The following EPB41L3 variants were observed in gnomAD, a reference collection of about 807,000 sequenced individuals.
The protein encoded by EPB41L3 is band 4.1-like protein 3.
EPB41L3 carries 57 observed loss-of-function variants against 127.1 expected under a neutral mutation model. That is an observed-to-expected ratio of 0.45 (90% CI 0.36 to 0.56). EPB41L3 has a LOEUF of 0.56. Ranked by LOEUF, EPB41L3 falls within the 20% of genes least tolerant of loss-of-function variation. The probability of loss-of-function intolerance (pLI) is 0.00; values close to 1 mark genes in which losing one functional copy is unlikely to be tolerated. For synonymous variants in EPB41L3, 572 were observed against 549.5 expected, an observed-to-expected ratio of 1.04 and a Z score of -0.57; for missense variants, 1,273 against 1,372.2, an observed-to-expected ratio of 0.93 and a Z score of 1.14.
chr18:5,399,602 T>C (rs2074154910), intron 16 of EPB41L3: 2 of 377,342 alleles, frequency 5.3e-6, no homozygotes, highest in African/African-American at 2.1e-5. Context: ...TAGGTAGAGT[T>C]GCAACTTCTT....
At chr18:5,565,371 C>T (rs2094184756) in intron 3 of EPB41L3, among the ~76,000 whole-genome samples, 1 of 152,008 alleles carries the variant, frequency 6.6e-6, no homozygotes, top group Admixed American at 6.5e-5. Context: ...AAGATCGTGC[C>T]ATTGCACTCC....
intron 1 of EPB41L3, among the ~76,000 whole-genome samples, chr18:5,491,723 T>C (rs2090615893): frequency 1.3e-5 from 2 of 152,210 alleles, no homozygotes; most frequent in South Asian, 4.1e-4. Flanking sequence ...CATAATATAA[T>C]AAATGCAAAT....
At chr18:5,429,203 T>C (rs2078643040) in intron 8 of EPB41L3, 1 of 152,182 alleles carries the variant, frequency 6.6e-6, no homozygotes, top group African/African-American at 2.4e-5. Flanking sequence ...ATAAATACTT[T>C]TTAAATATGT....
Position 5,434,183 on chromosome 18 carries a change from G to A in EPB41L3, c.606-62C>T, listed in dbSNP as rs1048133001. 3.3e-5 allele frequency: 47 copies of A among 1,419,022 alleles called. 1 individual carries two copies. The highest frequency in any genetic ancestry group is 3.0e-4 in the East Asian group (13 of 43,600). 87.9% of individuals were successfully genotyped at this position (1,419,022 alleles called of 1,614,324 possible). On this transcript the variant is annotated intron_variant, in intron 6 of 22. Coordinates refer to ENST00000341928, the MANE Select transcript of EPB41L3 (RefSeq NM_012307.5). ...CATGAGGATACAGGAAAAGGAGGTCGCTTGGTAAAAATCGTGGGCAAATAA... is the reference window on the plus strand; with the variant it reads ...CATGAGGATACAGGAAAAGGAGGTCACTTGGTAAAAATCGTGGGCAAATAA...
At chr18:5,544,786 T>G (rs1617446), upstream of EPB41L3, among the ~76,000 whole-genome samples, 38,021 of 152,134 alleles carry the variant, frequency 0.25, 6,280 homozygotes, top group African/African-American at 0.47. Flanking sequence ...CATTTTAAAA[T>G]AAAGTATAAT....
intron 1 of EPB41L3, among the ~76,000 whole-genome samples, chr18:5,503,382 C>T (rs2091903512): frequency 2.0e-5 from 3 of 151,958 alleles, no homozygotes; most frequent in African/African-American, 4.8e-5. Flanking sequence ...CCGGAGTGCC[C>T]GAAAAAAACA....
At chr18:5,474,270 A>G (rs2086731674) in intron 3 of EPB41L3, among the ~76,000 whole-genome samples, 1 of 152,108 alleles carries the variant, frequency 6.6e-6, no homozygotes, top group South Asian at 2.1e-4. Flanking sequence ...AGCACTGAAC[A>G]CTACAATGAT....
intron 13 of EPB41L3, among the ~76,000 whole-genome samples, chr18:5,415,277 G>A (rs2076659467): frequency 6.6e-6 from 1 of 152,170 alleles, no homozygotes; most frequent in South Asian, 2.1e-4. Context: ...CTCTCTGTGA[G>A]TAACAATGAC....
At chr18:5,440,744 G>T (rs1405808835) in intron 5 of EPB41L3, among the ~76,000 whole-genome samples, 1 of 152,042 alleles carries the variant, frequency 6.6e-6, no homozygotes, top group Non-Finnish European at 1.5e-5. Flanking sequence ...TGCGATATAT[G>T]CTCTATGTCA....
At chr18:5,433,328 G>C in intron 8 of EPB41L3, 141 bp downstream of exon 8, 1 of 631,560 alleles carries the variant, frequency 1.6e-6, no homozygotes, top group East Asian at 2.8e-5. Context: ...TCGTGGAGTA[G>C]GGCTTAAAAG....
At position 5,582,905 on chromosome 18, in the gene EPB41L3, G is replaced by A. The variant is rs1327743230; in HGVS notation, c.-306+29435C>T. ...GCAGTGAGGCATGCCCGGGAGTGGGGGCAGCCACTTTCAGGAGCCACTGCA... is the reference window on the plus strand; with the variant it reads ...GCAGTGAGGCATGCCCGGGAGTGGGAGCAGCCACTTTCAGGAGCCACTGCA... On this transcript the variant is annotated intron_variant, in intron 3 of 21. Coordinates refer to the EPB41L3 transcript ENST00000545076. 2.0e-5 allele frequency among the ~76,000 whole-genome samples: 3 copies of A among 152,314 alleles called. No homozygotes were observed. In the East Asian group the frequency reaches 5.8e-4, roughly 29 times the overall value.
intron 16 of EPB41L3, among the ~76,000 whole-genome samples, chr18:5,405,777 A>AAAAC (rs10645523): frequency 0.081 from 12,082 of 149,072 alleles, 912 homozygotes; most frequent in African/African-American, 0.2. Flanking sequence ...CACCATCTCA[A>AAAAC]AAACAAACAA....
At chr18:5,537,245 T>C (rs1411824764) in intron 1 of EPB41L3, among the ~76,000 whole-genome samples, 1 of 152,214 alleles carries the variant, frequency 6.6e-6, no homozygotes, top group Non-Finnish European at 1.5e-5. Context: ...TATTTTAAAG[T>C]GAGAATGTAT....
chr18:5,618,451 T>G (rs2094823317), intron 1 of EPB41L3, among the ~76,000 whole-genome samples: 1 of 152,252 alleles, frequency 6.6e-6, no homozygotes, highest in African/African-American at 2.4e-5. Flanking sequence ...AGAAGGAGAA[T>G]AGCTTAGCGA....
intron 5 of EPB41L3, among the ~76,000 whole-genome samples, chr18:5,441,921 T>C (rs1412188076): frequency 6.6e-6 from 1 of 152,202 alleles, no homozygotes; most frequent in Non-Finnish European, 1.5e-5. Flanking sequence ...TTTAGCTTTC[T>C]TCTCTTTGAA....
intron 3 of EPB41L3, chr18:5,610,152 T>C (rs1426295900): frequency 3.0e-6 from 3 of 985,276 alleles, no homozygotes; most frequent in Admixed American, 1.2e-4. Context: ...ACCCACATTA[T>C]CCACGTCCCA....
chr18:5,545,284 A>G (rs541316911), upstream of EPB41L3, among the ~76,000 whole-genome samples: 20 of 152,222 alleles, frequency 1.3e-4, no homozygotes, highest in African/African-American at 4.6e-4. Context: ...TAAAAGAGGG[A>G]AAAAAATGGA....
At chr18:5,577,423 C>A in intron 3 of EPB41L3, 1 of 427,088 alleles carries the variant, frequency 2.3e-6, no homozygotes, top group Non-Finnish European at 4.6e-6. Context: ...GTAGCATTGA[C>A]TCTCCGGCTT....
intron 5 of EPB41L3, 135 bp from the exon 6 acceptor site, chr18:5,438,245 G>A (rs1269028408): frequency 1.5e-6 from 1 of 660,508 alleles, no homozygotes; most frequent in African/African-American, 1.8e-5. Flanking sequence ...GGGAAACCTT[G>A]GTCACATGAA....
Sources: gnomAD v4.1 joint callset for allele counts (sites outside exome capture counted in the v4.1 genomes callset) on GRCh38, gnomAD v4.1.1 for gene constraint, MANE v1.5 for transcripts, NCBI Gene and HGNC (gene_info 2026-07-23, HGNC 2026-07-21) for gene names.